The following GPC6 variants were observed in gnomAD, a reference collection of about 807,000 sequenced individuals.
The protein encoded by GPC6 is glypican-6.
A neutral mutation model predicts 55.2 loss-of-function variants in GPC6; 14 were observed. The observed-to-expected ratio is 0.25, with a 90% CI of 0.17 to 0.40. The LOEUF (loss-of-function observed/expected upper bound fraction) is 0.40, where lower values mean the gene tolerates loss of function less well. Ranked by LOEUF, GPC6 falls within the 10% of genes least tolerant of loss-of-function variation. The probability of loss-of-function intolerance (pLI) is 1.00; values close to 1 mark genes in which losing one functional copy is unlikely to be tolerated. For synonymous variants in GPC6, 278 were observed against 259.6 expected (o/e 1.07, Z -0.68); for missense variants, 641 against 708.5 (o/e 0.90, Z 1.08).
intron 3 of GPC6, among the ~76,000 whole-genome samples, chr13:93,956,579 A>G (rs1187508221): frequency 6.6e-6 from 1 of 152,222 alleles, no homozygotes; most frequent in Non-Finnish European, 1.5e-5. Context: ...TGCTCTTTCC[A>G]CTTTCGCCCC....
chr13:94,341,461 C>G (rs1878032354), intron 6 of GPC6, among the ~76,000 whole-genome samples: 1 of 151,954 alleles, frequency 6.6e-6, no homozygotes, highest in Non-Finnish European at 1.5e-5. Flanking sequence ...TGGCGTGCAC[C>G]TGTAATCCCA....
chr13:94,252,231 C>T (rs1216642706), intron 4 of GPC6, among the ~76,000 whole-genome samples: 1 of 152,134 alleles, frequency 6.6e-6, no homozygotes, highest in African/African-American at 2.4e-5. Flanking sequence ...AGAAGCAGAA[C>T]TGTTCATCAT....
intron 1 of GPC6, among the ~76,000 whole-genome samples, chr13:93,367,085 T>C (rs550277082): frequency 6.6e-6 from 1 of 152,194 alleles, no homozygotes; most frequent in East Asian, 1.9e-4. Flanking sequence ...TAAAATTTTA[T>C]CATCACCAAA....
At chr13:94,363,197 T>C (rs57257493) in intron 6 of GPC6, among the ~76,000 whole-genome samples, 5,397 of 152,244 alleles carry the variant, frequency 0.035, 314 homozygotes, top group African/African-American at 0.12. Flanking sequence ...GAGAAATTCA[T>C]CAAACTGATG....
chr13:94,286,333 T>C lies in GPC6; in HGVS notation c.878-16T>C, dbSNP rs1438137220. ...CTCCCAGTTTGCAAATAAATCATGT[T>C]CCTGTATTTTAACAGATGCAATGCT... On this transcript the variant is annotated splice_polypyrimidine_tract_variant and intron_variant, in intron 4 of 8. Transcript: ENST00000377047. 2.5e-6 allele frequency: 4 copies of C among 1,613,522 alleles called. No individual in the cohort carries two copies. Among genetic ancestry groups the C allele is most frequent in the Middle Eastern group, 3.3e-4 (2 of 6,060 alleles).
At chr13:94,260,313 T>C (rs532621036) in intron 4 of GPC6, among the ~76,000 whole-genome samples, 1 of 152,302 alleles carries the variant, frequency 6.6e-6, no homozygotes, top group African/African-American at 2.4e-5. Context: ...GAGTAGTATG[T>C]ATATCAGTTT....
At chr13:94,299,799 C>T (rs939466324) in intron 5 of GPC6, among the ~76,000 whole-genome samples, 1 of 152,194 alleles carries the variant, frequency 6.6e-6, no homozygotes, top group African/African-American at 2.4e-5. Flanking sequence ...ATTGGTTACT[C>T]CACAGCCATT....
intron 6 of GPC6, among the ~76,000 whole-genome samples, chr13:94,361,181 T>C (rs1879043178): frequency 6.6e-6 from 1 of 152,218 alleles, no homozygotes; most frequent in Admixed American, 6.5e-5. Context: ...TAGCCATCAC[T>C]GTTGTTATCA....
At chr13:94,370,870 A>G (rs1489608945) in intron 6 of GPC6, among the ~76,000 whole-genome samples, 1 of 152,210 alleles carries the variant, frequency 6.6e-6, no homozygotes, top group Non-Finnish European at 1.5e-5. Context: ...AAAGATGAGA[A>G]AAAGATATTC....
chr13:94,095,806 G>A (rs904431187), intron 4 of GPC6, among the ~76,000 whole-genome samples: 1 of 152,144 alleles, frequency 6.6e-6, no homozygotes, highest in African/African-American at 2.4e-5. Context: ...GCATTAAATT[G>A]AAAGAAAAGT....
intron 5 of GPC6, among the ~76,000 whole-genome samples, chr13:94,294,451 A>AG (rs1397564043): frequency 1.3e-5 from 2 of 151,536 alleles, no homozygotes; most frequent in South Asian, 2.1e-4. Flanking sequence ...AAAAAAAAAA[A>AG]AAAAACCCTA....
chr13:94,065,672 A>G (rs1884492877), intron 4 of GPC6, among the ~76,000 whole-genome samples: 1 of 152,220 alleles, frequency 6.6e-6, no homozygotes, highest in East Asian at 1.9e-4. Flanking sequence ...CACTTGACTC[A>G]GAAAACCAAA....
intron 2 of GPC6, among the ~76,000 whole-genome samples, chr13:93,645,138 A>G (rs2139591618): frequency 6.6e-6 from 1 of 152,168 alleles, no homozygotes; most frequent in East Asian, 1.9e-4. Context: ...CCGTCCTGCA[A>G]GGACCAAAGG....
At chr13:93,225,686 T>A (rs530724193), upstream of GPC6, among the ~76,000 whole-genome samples, 3 of 152,286 alleles carry the variant, frequency 2.0e-5, no homozygotes, top group East Asian at 5.8e-4. Context: ...GAAGACAATG[T>A]ACCTAATATG....
intron 2 of GPC6, among the ~76,000 whole-genome samples, chr13:93,690,046 A>G (rs1882200390): frequency 6.6e-6 from 1 of 152,152 alleles, no homozygotes; most frequent in African/African-American, 2.4e-5. Context: ...AATAACAAAG[A>G]ATATCTTTCA....
rs1246583311 is a variant in GPC6 at position 94,405,145 on chromosome 13, CAG to C, written c.*1930_*1931del. On this transcript the variant is annotated 3_prime_UTR_variant, in exon 9 of 9. Coordinates refer to ENST00000377047, the MANE Select transcript of GPC6 (RefSeq NM_005708.5). ...AGTATATTTGAGCACTTTTGCAAGACAGAAAGTATTTACAAGCATCTATTGCT... is the reference window on the plus strand; with the variant it reads ...AGTATATTTGAGCACTTTTGCAAGACAAAGTATTTACAAGCATCTATTGCT... 14 of 152,194 alleles carry C rather than the reference CAG, an allele frequency of 9.2e-5. No homozygotes were observed. Among genetic ancestry groups the C allele is most frequent in the African/African-American group, 1.9e-4 (8 of 41,438 alleles). 9.4% of individuals were successfully genotyped at this position (152,194 alleles called of 1,614,324 possible).
At chr13:93,402,866 G>A (rs1876141921) in intron 1 of GPC6, among the ~76,000 whole-genome samples, 1 of 151,964 alleles carries the variant, frequency 6.6e-6, no homozygotes, top group South Asian at 2.1e-4. Context: ...CTGTTTTTGT[G>A]CCTCCTCAGA....
At chr13:93,453,144 C>A (rs977440739) in intron 1 of GPC6, among the ~76,000 whole-genome samples, 5 of 152,168 alleles carry the variant, frequency 3.3e-5, no homozygotes, top group Admixed American at 3.3e-4. Flanking sequence ...TGGACATTGC[C>A]TAATTCTTGA....
rs1875484305 is a variant in GPC6 at position 93,556,435 on chromosome 13, T to C, written c.319+11014T>C. Among the ~76,000 whole-genome samples the C allele has an allele frequency of 4.8e-5, 7 of 147,000 alleles. 1 individual carries two copies. The South Asian group carries it at 1.5e-3, about 31-fold the overall frequency. ...ATATATATATATATATATATATATTTTGGGGGTACATGAGATGTTTTGATA... is the reference window on the plus strand; with the variant it reads ...ATATATATATATATATATATATATTCTGGGGGTACATGAGATGTTTTGATA... On this transcript the variant is annotated intron_variant, in intron 2 of 8. Coordinates refer to ENST00000377047, the MANE Select transcript of GPC6 (RefSeq NM_005708.5).
Sources: gnomAD v4.1 joint callset for allele counts (sites outside exome capture counted in the v4.1 genomes callset) on GRCh38, gnomAD v4.1.1 for gene constraint, MANE v1.5 for transcripts, NCBI Gene and HGNC (gene_info 2026-07-23, HGNC 2026-07-21) for gene names.